RXRA: variants seen among roughly 807,000 people sequenced by gnomAD.
RXRA encodes retinoid X receptor alpha.
In RXRA, 5 loss-of-function variants were observed where a neutral mutation model predicts 44.5. The observed-to-expected ratio is 0.11, with a 90% CI of 0.06 to 0.24. RXRA has a LOEUF of 0.24. Ranked by LOEUF, RXRA falls within the 10% of genes least tolerant of loss-of-function variation. RXRA has a pLI of 1.00. For synonymous variants in RXRA, 291 were observed against 271.4 expected (o/e 1.07, Z -0.71); for missense variants, 412 against 646.5 (o/e 0.64, Z 3.93).
intron 1 of RXRA, chr9:134,379,993 A>G (rs1830617814): frequency 1.0e-6 from 1 of 985,124 alleles, no homozygotes; most frequent in African/African-American, 1.7e-5. Context: ...TCGGAGCTTC[A>G]GGATTAGGGA....
At chr9:134,340,576 C>T (rs895819373) in intron 1 of RXRA, among the ~76,000 whole-genome samples, 1 of 152,158 alleles carries the variant, frequency 6.6e-6, no homozygotes, top group Non-Finnish European at 1.5e-5. Flanking sequence ...TCACCGACCA[C>T]CCGAAGCACT....
intron 4 of RXRA, among the ~76,000 whole-genome samples, chr9:134,416,509 G>C (rs1457074156): frequency 1.3e-5 from 2 of 152,204 alleles, no homozygotes; most frequent in African/African-American, 4.8e-5. Flanking sequence ...GGAGCTGGGT[G>C]GGCCGTCTCT....
At chr9:134,345,368 G>A (rs567216813) in intron 1 of RXRA, among the ~76,000 whole-genome samples, 1 of 152,204 alleles carries the variant, frequency 6.6e-6, no homozygotes, top group Non-Finnish European at 1.5e-5. Flanking sequence ...TGTGCCCTTG[G>A]GTGGTCAGCA....
At chr9:134,401,187 G>A (rs932176165) in intron 1 of RXRA, among the ~76,000 whole-genome samples, 7 of 152,238 alleles carry the variant, frequency 4.6e-5, no homozygotes, top group South Asian at 2.1e-4. Flanking sequence ...GGTGCTCGGC[G>A]ACATCAGCCT....
intron 1 of RXRA, among the ~76,000 whole-genome samples, chr9:134,356,793 GA>G (rs1319707520): frequency 6.6e-6 from 1 of 152,216 alleles, no homozygotes; most frequent in Non-Finnish European, 1.5e-5. Context: ...AAAGTGTTGG[GA>G]AAGGGTGGTT....
rs1831623898 is a variant in RXRA, at chr9:134,436,499, T to G, written c.1274T>G (p.Leu425Arg). 6.2e-7 allele frequency: 1 copy of G among 1,614,068 alleles called. No homozygotes were observed. Among genetic ancestry groups the G allele is most frequent in the African/African-American group, 1.3e-5 (1 of 74,958 alleles). ...AAGCTCTTGCTCCGCCTGCCGGCTC[T>G]GCGCTCCATCGGGCTCAAATGCCTG... The part of the protein sequence containing the change: ...FAKLLLRLPA[L>R]RSIGLKCLEH... Residue 425 changes from leucine to arginine, a missense_variant, in exon 10 of 10, where the codon CTG becomes CGG. By Grantham distance (102) the Leu-to-Arg change is moderately radical. Transcript: ENST00000481739.
rs931333530 is a variant in RXRA, at chr9:134,349,118, C to A, written c.28+22459C>A. 6.6e-6 allele frequency among the ~76,000 whole-genome samples: 1 copy of A among 152,164 alleles called. No homozygotes were observed. The highest frequency in any genetic ancestry group is 1.5e-5 in the Non-Finnish European group (1 of 68,032). ...GGACTTGTGCTGTCCCTGAACTCAC[C>A]GAGGGCCAGGAGGGGTCCTGAACAC... is the stretch of plus-strand genomic sequence containing the variant. On this transcript the variant is annotated intron_variant, in intron 1 of 9. Transcript: ENST00000481739. The surrounding 1 kb of genome is among the most constrained non-coding windows in gnomAD (Gnocchi z 4.3).
Position 134,431,469 on chromosome 9 carries a change from C to T in RXRA, c.1044-436C>T, listed in dbSNP as rs138680382. Among the ~76,000 whole-genome samples the T allele has an allele frequency of 1.1e-3, 164 of 152,338 alleles. 1 individual carries two copies. The highest frequency in any genetic ancestry group is 3.8e-3 in the African/African-American group (160 of 41,576). ...CCTGGACTGAAGGGAGCGGCTGGGGCTGTGGCATGGGAAGGGGCTTTGCCT... is the reference window on the plus strand; with the variant it reads ...CCTGGACTGAAGGGAGCGGCTGGGGTTGTGGCATGGGAAGGGGCTTTGCCT... On this transcript the variant is annotated intron_variant, in intron 7 of 9. Transcript: ENST00000481739.
At position 134,417,018 on chromosome 9, in the gene RXRA, C is replaced by T. The variant is rs941759599; in HGVS notation, c.611-140C>T. On this transcript the variant is annotated intron_variant, in intron 4 of 9. Coordinates refer to ENST00000481739, the MANE Select transcript of RXRA (RefSeq NM_002957.6). The surrounding 1 kb of genome is among the most constrained non-coding windows in gnomAD (Gnocchi z 6.1). ...GCCAGGCCTGGGGCAGAGATGGGGT[C>T]TCCATCACCCAGTGCTGGTGGGGAT... 5 of 841,606 alleles carry T rather than the reference C, an allele frequency of 5.9e-6. No homozygotes were observed. In the African/African-American group the frequency reaches 8.5e-5, roughly 14 times the overall value. 52.1% of individuals were successfully genotyped at this position (841,606 alleles called of 1,614,324 possible).
chr9:134,331,901 C>T (rs572414208), intron 1 of RXRA, among the ~76,000 whole-genome samples: 33 of 152,340 alleles, frequency 2.2e-4, no homozygotes, highest in African/African-American at 7.5e-4. Context: ...GGCTGCTCAC[C>T]GACCAGGCTG....
At chr9:134,358,571 G>C (rs1358747503) in intron 1 of RXRA, among the ~76,000 whole-genome samples, 2 of 152,210 alleles carry the variant, frequency 1.3e-5, no homozygotes, top group African/African-American at 4.8e-5. Flanking sequence ...ACAAGGTCTT[G>C]TTCCAGAGAC....
At chr9:134,416,651 C>T (rs911510000) in intron 4 of RXRA, among the ~76,000 whole-genome samples, 1 of 151,874 alleles carries the variant, frequency 6.6e-6, no homozygotes, top group Non-Finnish European at 1.5e-5. Context: ...CCCTCCCCCG[C>T]CCCCCGCCGC....
rs892644394 is a variant in RXRA at position 134,426,066 on chromosome 9, G to A, written c.911-3042G>A. On this transcript the variant is annotated intron_variant, in intron 6 of 9. Coordinates refer to ENST00000481739, the MANE Select transcript of RXRA (RefSeq NM_002957.6). This position sits in a 1 kb window ranked among gnomAD's most constrained non-coding sequence, Gnocchi z 4.6. Reference sequence around the variant, plus strand: ...GCCCTGAGCGTTTGGGCAGGGCCACGAGGGATCTGCAGGAGTAAGTTCCTT... The same window carrying A: ...GCCCTGAGCGTTTGGGCAGGGCCACAAGGGATCTGCAGGAGTAAGTTCCTT... 1.0e-6 allele frequency: 1 copy of A among 985,426 alleles called. No homozygotes were observed. The highest frequency in any genetic ancestry group is 1.2e-6 in the Non-Finnish European group (1 of 829,916). The allele number at this position is 985,426 out of a possible 1,614,324, so 61.0% of individuals were successfully genotyped here. A position where few individuals can be genotyped will look rare whatever the true frequency, so the allele number is the denominator to read the frequency against.
intron 1 of RXRA, among the ~76,000 whole-genome samples, chr9:134,329,883 CAG>C (rs1417119654): frequency 1.2e-4 from 19 of 152,184 alleles, no homozygotes; most frequent in Admixed American, 4.6e-4. Flanking sequence ...ACTGTGGGAA[CAG>C]GGGGTACTCA....
At chr9:134,421,055 C>T (rs540088582) in intron 5 of RXRA, among the ~76,000 whole-genome samples, 43 of 152,336 alleles carry the variant, frequency 2.8e-4, no homozygotes, top group African/African-American at 9.9e-4. Flanking sequence ...GTTGGTCCCA[C>T]CCTGCTCCAG....
At chr9:134,402,164 CCT>C (rs760684686) in intron 2 of RXRA, 6 of 497,450 alleles carry the variant, frequency 1.2e-5, no homozygotes, top group Non-Finnish European at 2.1e-5. Context: ...CTCGGGACTC[CCT>C]GTTCCCATGA....
rs782497384 is a variant in RXRA at position 134,343,159 on chromosome 9, A to G, written c.28+16500A>G. ...TGCGGCCCACAGTTCAGGGCCCCAC[A>G]CAGACCTTTTACATGCTGTGTGACC... On this transcript the variant is annotated intron_variant, in intron 1 of 9. Transcript: ENST00000481739. This position sits in a 1 kb window ranked among gnomAD's most constrained non-coding sequence, Gnocchi z 4.1. Among the ~76,000 whole-genome samples the G allele has an allele frequency of 6.6e-6, 1 of 152,122 alleles. No homozygotes were observed. The highest frequency in any genetic ancestry group is 1.5e-5 in the Non-Finnish European group (1 of 68,010).
intron 1 of RXRA, among the ~76,000 whole-genome samples, chr9:134,331,826 G>A (rs73663455): frequency 0.051 from 7,844 of 152,318 alleles, 663 homozygotes; most frequent in African/African-American, 0.18. Flanking sequence ...CTCCAGCTGG[G>A]AGGACCTGTC....
chr9:134,328,743 C>CAA (rs1834954964), intron 1 of RXRA, among the ~76,000 whole-genome samples: 1 of 152,182 alleles, frequency 6.6e-6, no homozygotes, highest in South Asian at 2.1e-4. Flanking sequence ...CCCGGCTGGC[C>CAA]GACCGGTCAG....
Sources: allele counts gnomAD v4.1 joint callset (sites outside exome capture counted in the v4.1 genomes callset), GRCh38; gene constraint gnomAD v4.1.1; non-coding constraint Gnocchi (gnomAD v3.1); transcripts MANE v1.5; gene names NCBI Gene and HGNC (gene_info 2026-07-23, HGNC 2026-07-21).